Variants in UBE2E2 observed in about 807,000 individuals in gnomAD.
UBE2E2 encodes the protein ubiquitin conjugating enzyme E2 E2.
In UBE2E2, 6 loss-of-function variants were observed where a neutral mutation model predicts 24.7. That is an observed-to-expected ratio of 0.24 (90% confidence interval 0.13 to 0.48). The LOEUF is 0.48. Ranked by LOEUF, UBE2E2 falls within the 20% of genes least tolerant of loss-of-function variation. The pLI is 0.99. For synonymous variants in UBE2E2, 104 were observed against 83.6 expected (o/e 1.24, Z -1.33); for missense variants, 169 against 245.0 (o/e 0.69, Z 2.07).
intron 3 of UBE2E2, among the ~76,000 whole-genome samples, chr3:23,357,510 T>C (rs1406120929): frequency 6.6e-6 from 1 of 151,892 alleles, no homozygotes; most frequent in Admixed American, 6.6e-5. Context: ...AACAGGCAGG[T>C]TTAGCATTTT....
At chr3:23,270,276 C>G (rs1209513690) in intron 3 of UBE2E2, among the ~76,000 whole-genome samples, 3 of 151,348 alleles carry the variant, frequency 2.0e-5, no homozygotes, top group Non-Finnish European at 4.4e-5. Context: ...TTTCCTGATG[C>G]TACTCCTAGT....
chr3:23,430,906 T>C (rs1698045477), intron 3 of UBE2E2, among the ~76,000 whole-genome samples: 1 of 152,228 alleles, frequency 6.6e-6, no homozygotes, highest in Non-Finnish European at 1.5e-5. Flanking sequence ...CTGGATCTTA[T>C]TGCCAGAGCT....
At chr3:23,338,293 T>C (rs1323937335) in intron 3 of UBE2E2, among the ~76,000 whole-genome samples, 1 of 152,150 alleles carries the variant, frequency 6.6e-6, no homozygotes, top group African/African-American at 2.4e-5. Context: ...CAACTAAATA[T>C]GTGGTGGATA....
intron 3 of UBE2E2, among the ~76,000 whole-genome samples, chr3:23,366,741 C>T (rs1045319806): frequency 1.3e-5 from 2 of 151,864 alleles, no homozygotes; most frequent in Non-Finnish European, 1.5e-5. Context: ...TATAACAAAC[C>T]TGCACGTGTA....
intron 3 of UBE2E2, among the ~76,000 whole-genome samples, chr3:23,494,149 T>G (rs1231661618): frequency 6.6e-6 from 1 of 152,184 alleles, no homozygotes; most frequent in African/African-American, 2.4e-5. Flanking sequence ...GGCACCAAAT[T>G]TTATTTGTTC....
intron 3 of UBE2E2, among the ~76,000 whole-genome samples, chr3:23,294,559 A>AT (rs1029321974): frequency 1.5e-5 from 1 of 66,436 alleles, no homozygotes; most frequent in African/African-American, 5.8e-5. Flanking sequence ...GTATCTTTTT[A>AT]TTTTTATCTT....
chr3:23,413,416 G>C (rs1316579190), intron 3 of UBE2E2, among the ~76,000 whole-genome samples: 12 of 152,032 alleles, frequency 7.9e-5, no homozygotes, highest in Admixed American at 7.9e-4. Context: ...TAAATTTCAA[G>C]TTACAACCAT....
At chr3:23,509,556 T>G (rs911679923) in intron 4 of UBE2E2, among the ~76,000 whole-genome samples, 11 of 152,128 alleles carry the variant, frequency 7.2e-5, no homozygotes, top group African/African-American at 2.4e-4. Flanking sequence ...CAAATTTCCT[T>G]GATTTTTTCT....
intron 3 of UBE2E2, among the ~76,000 whole-genome samples, chr3:23,367,655 G>A (rs1282260402): frequency 6.6e-6 from 1 of 152,104 alleles, no homozygotes; most frequent in African/African-American, 2.4e-5. Flanking sequence ...TGTGAGTTCC[G>A]TGATTTCGTT....
chr3:23,250,458 C>G (rs1236001068), intron 3 of UBE2E2, among the ~76,000 whole-genome samples: 1 of 152,146 alleles, frequency 6.6e-6, no homozygotes, highest in African/African-American at 2.4e-5. Flanking sequence ...GGCATGAACT[C>G]ACTTCTAACT....
intron 3 of UBE2E2, among the ~76,000 whole-genome samples, chr3:23,245,754 T>A (rs2125341359): frequency 6.6e-6 from 1 of 152,304 alleles, no homozygotes; most frequent in African/African-American, 2.4e-5. Context: ...TATCTTAGCA[T>A]CTTAAACCTT....
At chr3:23,272,338 C>A (rs1286399968) in intron 3 of UBE2E2, among the ~76,000 whole-genome samples, 2 of 152,092 alleles carry the variant, frequency 1.3e-5, no homozygotes, top group Admixed American at 1.3e-4. Context: ...AGAACTTTCA[C>A]TGGCCCAAGA....
At chr3:23,237,359 GATAAC>G (rs1697138606) in intron 3 of UBE2E2, among the ~76,000 whole-genome samples, 1 of 152,170 alleles carries the variant, frequency 6.6e-6, no homozygotes, top group African/African-American at 2.4e-5. Flanking sequence ...TACTAAGGCA[GATAAC>G]TTCTGCATGT....
At chr3:23,274,999 A>G (rs983006536) in intron 3 of UBE2E2, among the ~76,000 whole-genome samples, 2 of 152,172 alleles carry the variant, frequency 1.3e-5, no homozygotes, top group African/African-American at 4.8e-5. Flanking sequence ...CCTCAAAATA[A>G]CTTTTTGAGG....
chr3:23,509,614 C>G (rs1694538646), intron 4 of UBE2E2, among the ~76,000 whole-genome samples: 1 of 151,858 alleles, frequency 6.6e-6, no homozygotes, highest in Non-Finnish European at 1.5e-5. Context: ...TTCTAGGGTA[C>G]ATGTGCACAA....
intron 4 of UBE2E2, among the ~76,000 whole-genome samples, chr3:23,514,288 T>C: frequency 6.6e-6 from 1 of 152,238 alleles, no homozygotes; most frequent in East Asian, 1.9e-4. Context: ...GTCAACCTGA[T>C]GGTTTCTTTC....
chr3:23,535,608 A>T (rs1695240848), intron 5 of UBE2E2, among the ~76,000 whole-genome samples: 1 of 143,238 alleles, frequency 7.0e-6, no homozygotes, highest in Non-Finnish European at 1.5e-5. Context: ...ATTGAGCCTG[A>T]TAGAGCATTC....
intron 3 of UBE2E2, among the ~76,000 whole-genome samples, chr3:23,369,965 G>C (rs1005829871): frequency 6.6e-6 from 1 of 152,062 alleles, no homozygotes; most frequent in East Asian, 1.9e-4. Flanking sequence ...TTTTACATCT[G>C]TTCCCCCTTT....
intron 3 of UBE2E2, among the ~76,000 whole-genome samples, chr3:23,302,424 A>AT (rs1352968914): frequency 6.6e-6 from 1 of 152,090 alleles, no homozygotes; most frequent in Non-Finnish European, 1.5e-5. Flanking sequence ...AAATAGCTTC[A>AT]TTTTTTTATT....
Sources: allele counts gnomAD v4.1 joint callset (sites outside exome capture counted in the v4.1 genomes callset), GRCh38; gene constraint gnomAD v4.1.1; transcripts MANE v1.5; gene names NCBI Gene and HGNC (gene_info 2026-07-23, HGNC 2026-07-21).